Variants in NUP35 observed in about 807,000 individuals in gnomAD.
The protein encoded by NUP35 is nucleoporin 35, also known as nucleoporin NUP35.
A neutral mutation model predicts 41.5 loss-of-function variants in NUP35; 25 were observed. That is an observed-to-expected ratio of 0.60 (90% CI 0.44 to 0.84). NUP35 has a LOEUF of 0.84. Ranked by LOEUF, NUP35 falls within the 40% of genes least tolerant of loss-of-function variation. The pLI, the probability that NUP35 is intolerant of heterozygous loss-of-function variation, is 0.00. For synonymous variants in NUP35, 149 were observed against 130.7 expected, an observed-to-expected ratio of 1.14 and a Z score of -0.96; for missense variants, 396 against 396.6, an observed-to-expected ratio of 1.00 and a Z score of 0.01.
At chr2:183,150,344 T>G (rs1379053097) in intron 4 of NUP35, among the ~76,000 whole-genome samples, 1 of 152,214 alleles carries the variant, frequency 6.6e-6, no homozygotes, top group East Asian at 1.9e-4. Context: ...ATCCGGCATA[T>G]TGCTGCCTCT....
At chr2:183,135,980 C>G (rs1684861949) in intron 4 of NUP35, among the ~76,000 whole-genome samples, 1 of 152,014 alleles carries the variant, frequency 6.6e-6, no homozygotes, top group Non-Finnish European at 1.5e-5. Context: ...GAATGGATAA[C>G]AAAAGGAACA....
chr2:183,118,464 T>C (rs1700020763), intron 1 of NUP35: 1 of 152,228 alleles, frequency 6.6e-6, no homozygotes, highest in South Asian at 2.1e-4. Context: ...ATATAACTAA[T>C]GTGCAGTTAT....
chr2:183,137,439 G>T (rs757886992), intron 4 of NUP35, among the ~76,000 whole-genome samples: 23 of 152,112 alleles, frequency 1.5e-4, no homozygotes, highest in Non-Finnish European at 2.9e-4. Flanking sequence ...TTTTAAATTA[G>T]CCTGGCATGG....
chr2:183,127,553 A>T (rs1684540016), intron 1 of NUP35, among the ~76,000 whole-genome samples: 1 of 152,240 alleles, frequency 6.6e-6, no homozygotes, highest in Admixed American at 6.5e-5. Flanking sequence ...ATGCATGGTT[A>T]CGGTTTTATC....
rs7558084 is a variant in NUP35, at chr2:183,158,649, C to A, written c.738+238C>A. Among the ~76,000 whole-genome samples the A allele has an allele frequency of 8.5e-3, 1,289 of 152,150 alleles. 19 individuals carry two copies. The highest frequency in any genetic ancestry group is 0.029 in the African/African-American group (1,206 of 41,522). ...TTTTCAGATAAAGAAACTGAGAGGG[C>A]TTAAGTAACTTGTCCAGAGTTGTTA... is the stretch of plus-strand genomic sequence containing the variant. On this transcript the variant is annotated intron_variant, in intron 7 of 8. Transcript: ENST00000295119.
chr2:183,151,467 T>G, intron 4 of NUP35, 41 bp from the exon 5 acceptor site: 1 of 1,585,386 alleles, frequency 6.3e-7, no homozygotes, highest in South Asian at 1.1e-5. Flanking sequence ...TCAATCGAGG[T>G]GTTTACACTG....
intron 4 of NUP35, among the ~76,000 whole-genome samples, chr2:183,143,172 A>G (rs1281062920): frequency 6.8e-6 from 1 of 147,148 alleles, no homozygotes; most frequent in Non-Finnish European, 1.5e-5. Context: ...AAAAAAAAAG[A>G]AAAGAAATAC....
At chr2:183,124,269 C>A, upstream of NUP35, 1 of 1,377,052 alleles carries the variant, frequency 7.3e-7, no homozygotes, top group Non-Finnish European at 9.5e-7. Context: ...AAACCCTTTC[C>A]TCGGAAATTC....
rs1685873574 is a variant in NUP35, at chr2:183,161,407, A to G, written c.*276A>G. 4.5e-6 allele frequency: 1 copy of G among 224,556 alleles called. No homozygotes were observed. Among genetic ancestry groups the G allele is most frequent in the African/African-American group, 2.3e-5 (1 of 44,218 alleles). 13.9% of individuals were successfully genotyped at this position (224,556 alleles called of 1,614,324 possible). A position where few individuals can be genotyped will look rare whatever the true frequency, so the allele number is the denominator to read the frequency against. ...CAGCACAGAAAACTCAGCATTGATT[A>G]TTGTAAATTAAATAACTGAAATTGT... On this transcript the variant is annotated 3_prime_UTR_variant, in exon 9 of 9. Coordinates refer to ENST00000295119, the MANE Select transcript of NUP35 (RefSeq NM_138285.5).
chr2:183,137,125 C>T (rs1420794103), intron 4 of NUP35, among the ~76,000 whole-genome samples: 2 of 152,032 alleles, frequency 1.3e-5, no homozygotes, highest in African/African-American at 2.4e-5. Flanking sequence ...TTTTAGAAGT[C>T]TGTCTACTGT....
Position 183,150,935 on chromosome 2 carries a change from C to G in NUP35, c.398-573C>G, listed in dbSNP as rs189983190. 3.9e-5 allele frequency among the ~76,000 whole-genome samples: 6 copies of G among 152,230 alleles called. No individual in the cohort carries two copies. In the East Asian group the frequency reaches 7.7e-4, roughly 20 times the overall value. ...AGTGTTTAGCATGGCATGTTGGACA[C>G]ACAGAAGTACTCAATTGGTGGCTGT... On this transcript the variant is annotated intron_variant, in intron 4 of 8. Coordinates refer to ENST00000295119, the MANE Select transcript of NUP35 (RefSeq NM_138285.5).
chr2:183,142,905 C>G (rs1685148274), intron 4 of NUP35, among the ~76,000 whole-genome samples: 1 of 151,710 alleles, frequency 6.6e-6, no homozygotes, highest in African/African-American at 2.4e-5. Flanking sequence ...GCCTGTAATC[C>G]CAGCACTTTG....
chr2:183,146,276 G>A lies in NUP35; in HGVS notation c.398-5232G>A, dbSNP rs554314546. 5.7e-4 allele frequency among the ~76,000 whole-genome samples: 86 copies of A among 152,200 alleles called. 1 individual carries two copies. The South Asian group carries it at 0.017, about 30-fold the overall frequency. On this transcript the variant is annotated intron_variant, in intron 4 of 8. Transcript: ENST00000295119. Reference sequence around the variant, plus strand: ...TCAAAAATCTTACTTCTTTAGGGTTGCTAAACAATTTGAGTTCCTAGACTC... The same window carrying A: ...TCAAAAATCTTACTTCTTTAGGGTTACTAAACAATTTGAGTTCCTAGACTC...
rs1302853867 is a variant in NUP35 at position 183,128,390 on chromosome 2, T to G, written c.144T>G (p.Thr48=). 1 of 1,614,022 alleles carries G rather than the reference T, an allele frequency of 6.2e-7. No individual in the cohort carries two copies. The highest frequency in any genetic ancestry group is 1.1e-5 in the South Asian group (1 of 91,076). Residue 48 remains threonine, a synonymous_variant, in exon 2 of 9, where the codon ACT becomes ACG. Transcript: ENST00000295119. Reference sequence around the variant, plus strand: ...TGGGGGATTTGCCAGCTCCGGTGACTCCACAACCTCGATCAATTAGTGGCC... The same window carrying G: ...TGGGGGATTTGCCAGCTCCGGTGACGCCACAACCTCGATCAATTAGTGGCC... The part of the protein sequence containing the change: ...FLMGDLPAPV[T]PQPRSISGPS...
intron 3 of NUP35, chr2:183,131,072 TG>T: frequency 2.2e-6 from 1 of 446,946 alleles, no homozygotes; most frequent in Non-Finnish European, 4.4e-6. Flanking sequence ...CTTGAACTCC[TG>T]GGTTCAACCA....
intron 4 of NUP35, among the ~76,000 whole-genome samples, chr2:183,137,632 C>T (rs1684922333): frequency 6.6e-6 from 1 of 151,254 alleles, no homozygotes; most frequent in African/African-American, 2.4e-5. Context: ...ATTGAAAATC[C>T]AAAAACAGGG....
At chr2:183,141,742 A>G (rs1192157223) in intron 4 of NUP35, among the ~76,000 whole-genome samples, 1 of 152,090 alleles carries the variant, frequency 6.6e-6, no homozygotes, top group African/African-American at 2.4e-5. Context: ...TAGTATACTC[A>G]CTTTTCAAGC....
chr2:183,120,620 G>A (rs560664084), upstream of NUP35, among the ~76,000 whole-genome samples: 6 of 152,174 alleles, frequency 3.9e-5, no homozygotes, highest in Admixed American at 1.3e-4. Context: ...ACAAAGTGGA[G>A]CAGACACTGT....
chr2:183,118,435 A>G (rs1700018733), intron 1 of NUP35: 1 of 152,218 alleles, frequency 6.6e-6, no homozygotes, highest in Admixed American at 6.5e-5. Flanking sequence ...ACAGGTCTTC[A>G]TTTTATAATA....
Sources: gnomAD v4.1 joint callset for allele counts (sites outside exome capture counted in the v4.1 genomes callset) on GRCh38, gnomAD v4.1.1 for gene constraint, MANE v1.5 for transcripts, NCBI Gene and HGNC (gene_info 2026-07-23, HGNC 2026-07-21) for gene names.